Variants in HSPE1 observed in about 807,000 individuals in gnomAD.
HSPE1 encodes the protein 10 kDa heat shock protein, mitochondrial.
In HSPE1, 1 loss-of-function variant was observed where a neutral mutation model predicts 13.2. The ratio of observed to expected loss-of-function variants is 0.08; its 90% confidence interval spans 0.03 to 0.36. The LOEUF is 0.36. Among genes scored for constraint, HSPE1 ranks in the 10% least tolerant of loss-of-function variants. The pLI is 0.99. For synonymous variants in HSPE1, 44 were observed against 42.0 expected, an observed-to-expected ratio of 1.05 and a Z score of -0.19; for missense variants, 73 against 118.7, an observed-to-expected ratio of 0.62 and a Z score of 1.79.
chr2:197,503,150 A>G (rs1444687456), intron 3 of HSPE1, 22 bp downstream of exon 3: 2 of 1,583,272 alleles, frequency 1.3e-6, no homozygotes, highest in Admixed American at 3.3e-5. Flanking sequence ...TAATAATTCT[A>G]AAAAGAAGTC....
At position 197,503,247 on chromosome 2, in the gene HSPE1, G is replaced by A. The variant is rs2086277574; in HGVS notation, c.297G>A (p.Lys99=). 1.2e-6 allele frequency: 2 copies of A among 1,603,268 alleles called. No homozygotes were observed. Among genetic ancestry groups the A allele is most frequent in the Non-Finnish European group, 1.7e-6 (2 of 1,173,470 alleles). Residue 99 remains lysine (K), a synonymous_variant, in exon 4 of 4, where the codon AAG becomes AAA. Transcript: ENST00000233893. ...TTAGAGATGGTGACATTCTTGGAAAGTACGTAGACTGAAATAAGTCACTAT... is the reference window on the plus strand; with the variant it reads ...TTAGAGATGGTGACATTCTTGGAAAATACGTAGACTGAAATAAGTCACTAT... ...FLFRDGDILG[K]YVD
Position 197,501,070 on chromosome 2 carries a change from A to G in HSPE1, c.4-4A>G, listed in dbSNP as rs374253511. 5 of 1,610,394 alleles carry G rather than the reference A, an allele frequency of 3.1e-6. No individual in the cohort carries two copies. The highest frequency in any genetic ancestry group is 4.2e-6 in the Non-Finnish European group (5 of 1,178,930). On this transcript the variant is annotated splice_polypyrimidine_tract_variant and splice_region_variant and intron_variant, in intron 1 of 3. Coordinates refer to ENST00000233893, the MANE Select transcript of HSPE1 (RefSeq NM_002157.3). ...TTTGTTTCAAAACATTTCTCTTCCTACAGGCAGGACAAGCGTTTAGAAAGT... is the reference window on the plus strand; with the variant it reads ...TTTGTTTCAAAACATTTCTCTTCCTGCAGGCAGGACAAGCGTTTAGAAAGT...
chr2:197,501,744 G>A (rs2086258646), intron 2 of HSPE1, among the ~76,000 whole-genome samples: 2 of 150,160 alleles, frequency 1.3e-5, no homozygotes, highest in Admixed American at 1.3e-4. Context: ...TTCCAGTATG[G>A]GGGACAGGGC....
At position 197,503,263 on chromosome 2, in the gene HSPE1, A is replaced by C; in HGVS notation, c.*4A>C. On this transcript the variant is annotated 3_prime_UTR_variant, in exon 4 of 4. Coordinates refer to ENST00000233893, the MANE Select transcript of HSPE1 (RefSeq NM_002157.3). The stretch of plus-strand genomic sequence containing the variant: ...TCTTGGAAAGTACGTAGACTGAAAT[A>C]AGTCACTATTGAAATGGCATCAACA... The C allele has an allele frequency of 3.2e-6, 5 of 1,585,424 alleles. No homozygotes were observed. Among genetic ancestry groups the C allele is most frequent in the Non-Finnish European group, 4.3e-6 (5 of 1,159,308 alleles).
chr2:197,500,637 C>T, intron 1 of HSPE1, 198 bp downstream of exon 1: 1 of 783,660 alleles, frequency 1.3e-6, no homozygotes, highest in Non-Finnish European at 2.0e-6. Flanking sequence ...CGTGTGCTGC[C>T]GGTGTGTAAG....
intron 2 of HSPE1, 133 bp downstream of exon 2, chr2:197,501,371 A>C (rs2086252956): frequency 2.8e-6 from 3 of 1,058,174 alleles, no homozygotes; most frequent in Non-Finnish European, 4.0e-6. Context: ...CTTTGGTTCT[A>C]ATCTGTTTCT....
chr2:197,500,491 A>G (rs1236576261), intron 1 of HSPE1, 52 bp downstream of exon 1: 35 of 1,436,742 alleles, frequency 2.4e-5, no homozygotes, highest in Non-Finnish European at 3.3e-5. Context: ...TCTGAGGCGT[A>G]CGGGGATCCC....
At chr2:197,500,793 A>G in intron 1 of HSPE1, 1 of 580,672 alleles carries the variant, frequency 1.7e-6, no homozygotes. Flanking sequence ...GAAAAACCTG[A>G]AGAAGGAAAA....
intron 1 of HSPE1, chr2:197,500,854 T>C: frequency 1.6e-6 from 1 of 606,208 alleles, no homozygotes; most frequent in South Asian, 2.3e-5. Flanking sequence ...GTCTGGTTGC[T>C]CACCGGAGGA....
intron 2 of HSPE1, among the ~76,000 whole-genome samples, chr2:197,502,743 T>C (rs1221790559): frequency 6.6e-6 from 1 of 152,254 alleles, no homozygotes; most frequent in Non-Finnish European, 1.5e-5. Flanking sequence ...TTAACAGTTA[T>C]AAAGTTAGCT....
chr2:197,502,218 C>CT (rs775405489), intron 2 of HSPE1, among the ~76,000 whole-genome samples: 3 of 152,198 alleles, frequency 2.0e-5, no homozygotes, highest in Non-Finnish European at 4.4e-5. Flanking sequence ...AATCCCTAAA[C>CT]TTTCTTAAAA....
At chr2:197,501,277 G>A (rs1244195641) in intron 2 of HSPE1, 39 bp downstream of exon 2, 4 of 1,553,254 alleles carry the variant, frequency 2.6e-6, no homozygotes, top group Admixed American at 2.0e-5. Context: ...TTTATAGTGT[G>A]CAGTGGAGGG....
rs368616761 is a variant in HSPE1 at position 197,503,106 on chromosome 2, C to T, written c.236C>T (p.Thr79Ile). 1 of 1,606,366 alleles carries T rather than the reference C, an allele frequency of 6.2e-7. No individual in the cohort carries two copies. The highest frequency in any genetic ancestry group is 1.1e-5 in the South Asian group (1 of 90,934). ...DKVLLPEYGG[T>I]KVVLDDKDYF... is the part of the protein sequence containing the mutation. ...GTTCTTCTCCCAGAATATGGAGGCA[C>T]CAAAGTAGTTCTAGATGACAAGGTG... is the stretch of plus-strand genomic sequence containing the variant. The change falls in exon 3 of 4, where the codon ACC (threonine) becomes ATC (isoleucine). Residue 79 changes from threonine to isoleucine, a missense_variant. By Grantham distance (89) the Thr-to-Ile change is moderately conservative. Transcript: ENST00000233893.
intron 1 of HSPE1, 81 bp downstream of exon 1, chr2:197,500,520 G>A: frequency 6.6e-7 from 1 of 1,515,368 alleles, no homozygotes; most frequent in Non-Finnish European, 9.0e-7. Flanking sequence ...CTCTTTTGTT[G>A]GGCTGGGCGG....
chr2:197,502,465 G>C (rs2086269335), intron 2 of HSPE1, among the ~76,000 whole-genome samples: 2 of 152,156 alleles, frequency 1.3e-5, no homozygotes, highest in South Asian at 4.2e-4. Flanking sequence ...TGTTCTAGTT[G>C]CTTCTGAGGA....
Position 197,502,618 on chromosome 2 carries a change from C to T in HSPE1, c.169-421C>T, listed in dbSNP as rs716800. On this transcript the variant is annotated intron_variant, in intron 2 of 3. Transcript: ENST00000233893. Reference sequence around the variant, plus strand: ...AGAGTATGTTCTAAATCCAAAAAAACTTTAAATTTTTGTATGTTGAAAGAA... The same window carrying T: ...AGAGTATGTTCTAAATCCAAAAAAATTTTAAATTTTTGTATGTTGAAAGAA... Among the ~76,000 whole-genome samples, 1,222 of 152,246 alleles carry T rather than the reference C, an allele frequency of 8.0e-3. 16 individuals are homozygous for T. The highest frequency in any genetic ancestry group is 0.026 in the African/African-American group (1,066 of 41,542).
chr2:197,502,133 T>G (rs2086264120), intron 2 of HSPE1, among the ~76,000 whole-genome samples: 1 of 152,240 alleles, frequency 6.6e-6, no homozygotes, highest in Admixed American at 6.5e-5. Flanking sequence ...CCTGGTTGTA[T>G]ACCTACCAGA....
intron 2 of HSPE1, among the ~76,000 whole-genome samples, chr2:197,502,180 GGGACAGCTCTGAAT>G (rs2086264859): frequency 1.3e-5 from 2 of 152,142 alleles, no homozygotes; most frequent in Non-Finnish European, 2.9e-5. Context: ...TCTGCAGCCT[GGGACAGCTCTGAAT>G]GCCGCCTAAC....
chr2:197,502,619 T>G (rs2086270972), intron 2 of HSPE1, among the ~76,000 whole-genome samples: 1 of 152,174 alleles, frequency 6.6e-6, no homozygotes. Flanking sequence ...CCAAAAAAAC[T>G]TTAAATTTTT....
Sources: allele counts gnomAD v4.1 joint callset (sites outside exome capture counted in the v4.1 genomes callset), GRCh38; gene constraint gnomAD v4.1.1; transcripts MANE v1.5; gene names NCBI Gene and HGNC (gene_info 2026-07-23, HGNC 2026-07-21).